HAUS6: variants seen among roughly 807,000 people sequenced by gnomAD.
HAUS6 encodes HAUS augmin-like complex subunit 6.
HAUS6 carries 80 observed loss-of-function variants against 106.8 expected under a neutral mutation model. That is an observed-to-expected ratio of 0.75 (90% CI 0.63 to 0.90). HAUS6 has a LOEUF of 0.90. Among genes scored for constraint, HAUS6 ranks in the 40% least tolerant of loss-of-function variants. The pLI, the probability that HAUS6 is intolerant of heterozygous loss-of-function variation, is 0.00. For missense variants in HAUS6, 1,155 were observed against 1,118.1 expected (o/e 1.03, Z -0.47); for synonymous variants, 356 against 379.1 (o/e 0.94, Z 0.71).
At chr9:19,063,889 CAG>C (rs1836695239) in intron 12 of HAUS6, 1 of 465,946 alleles carries the variant, frequency 2.1e-6, no homozygotes, top group Admixed American at 2.7e-5. Context: ...AGGTTAAAAA[CAG>C]ATTCAATTAA....
In HAUS6 at chr9:19,067,214, C is replaced by T. The variant is rs112986546; in HGVS notation, c.1376+3005G>A. Among the ~76,000 whole-genome samples, 502 of 152,208 alleles carry T rather than the reference C, an allele frequency of 3.3e-3. 2 individuals are homozygous for T. The highest frequency in any genetic ancestry group is 0.012 in the African/African-American group (485 of 41,520). ...ATTACTGATAAAAGATGATGTATTG[C>T]AGATAAAATAGTGTAATTGCTGAAC... On this transcript the variant is annotated intron_variant, in intron 12 of 16. Transcript: ENST00000380502.
intron 1 of HAUS6, among the ~76,000 whole-genome samples, chr9:19,098,963 G>A (rs1412104263): frequency 6.8e-5 from 10 of 148,074 alleles, no homozygotes; most frequent in East Asian, 2.0e-4. Flanking sequence ...CGGAGGTTGC[G>A]GTGAGGTCAT....
rs1398029742 is a variant in HAUS6, at chr9:19,053,840, GGTATAT to G, written c.*2497_*2502del. ...TGATAAAGATGACACATGGCCTTGG[GGTATAT>G]GTATGTGTGTGAATACATACTCCCA... On this transcript the variant is annotated 3_prime_UTR_variant, in exon 17 of 17. Coordinates refer to ENST00000380502, the MANE Select transcript of HAUS6 (RefSeq NM_017645.5). The G allele has an allele frequency of 6.6e-6, 1 of 151,886 alleles. No individual in the cohort carries two copies. The highest frequency in any genetic ancestry group is 1.9e-4 in the East Asian group (1 of 5,166). The allele number at this position is 151,886 out of a possible 1,614,324, so 9.4% of individuals were successfully genotyped here. A position where few individuals can be genotyped will look rare whatever the true frequency, so the allele number is the denominator to read the frequency against.
intron 12 of HAUS6, among the ~76,000 whole-genome samples, chr9:19,065,998 G>C (rs1326417315): frequency 6.7e-6 from 1 of 150,302 alleles, no homozygotes; most frequent in African/African-American, 2.4e-5. Flanking sequence ...TGCAGTGGCG[G>C]GATCCTGGCT....
At chr9:19,062,651 G>A (rs560904003) in intron 14 of HAUS6, among the ~76,000 whole-genome samples, 1 of 152,168 alleles carries the variant, frequency 6.6e-6, no homozygotes, top group African/African-American at 2.4e-5. Context: ...ACACCATTGA[G>A]AAAATATTTG....
intron 7 of HAUS6, among the ~76,000 whole-genome samples, chr9:19,085,615 CA>C (rs71494997): frequency 0.26 from 33,409 of 129,648 alleles, 4,008 homozygotes; most frequent in African/African-American, 0.36. Flanking sequence ...AGATTTTATC[CA>C]AAAAAAAAAA....
In HAUS6 at chr9:19,057,975, A is replaced by G. The variant is rs1237731033; in HGVS notation, c.2792T>C (p.Leu931Pro). 2 of 1,597,334 alleles carry G rather than the reference A, an allele frequency of 1.3e-6. No homozygotes were observed. Among genetic ancestry groups the G allele is most frequent in the Non-Finnish European group, 1.7e-6 (2 of 1,167,948 alleles). ...RTTIACSLGE[L>P]PNLKEEDILN... ...TTAAACCTTACCCTTTAAATTAGGT[A>G]GTTCTCCAAGACTACATGCTATTGT... Residue 931 changes from leucine (L) to proline (P), a missense_variant, in exon 16 of 17, where the codon CTA (leucine) becomes CCA (proline). Leu to Pro is a moderately conservative substitution (Grantham distance 98). Coordinates refer to ENST00000380502, the MANE Select transcript of HAUS6 (RefSeq NM_017645.5).
chr9:19,085,480 C>T (rs547438026), intron 7 of HAUS6, among the ~76,000 whole-genome samples: 3 of 152,016 alleles, frequency 2.0e-5, no homozygotes, highest in Non-Finnish European at 2.9e-5. Flanking sequence ...AATACATTCA[C>T]TGAATAAAAA....
At position 19,080,465 on chromosome 9, in the gene HAUS6, T is replaced by C; in HGVS notation, c.1064+14A>G. The C allele has an allele frequency of 1.3e-6, 2 of 1,561,860 alleles. No individual in the cohort carries two copies. The highest frequency in any genetic ancestry group is 1.4e-5 in the African/African-American group (1 of 73,922). On this transcript the variant is annotated intron_variant, in intron 9 of 16. Transcript: ENST00000380502. ...ACTCCTCCCACAGTAAAATAACAGA[T>C]CTTTTTAGTGTACCTCATATGTTTC...
In HAUS6 at chr9:19,057,989, A is replaced by T; in HGVS notation, c.2778T>A (p.Cys926Ter). ...TTAAATTAGGTAGTTCTCCAAGACTACATGCTATTGTGGTTCTCAATCTTT... is the reference window on the plus strand; with the variant it reads ...TTAAATTAGGTAGTTCTCCAAGACTTCATGCTATTGTGGTTCTCAATCTTT... ...VEQRLRTTIA[C>*]SLGELPNLKE... The change falls in exon 16 of 17, where the codon TGT (cysteine) becomes TGA (stop). Residue 926 changes from cysteine to a stop codon, truncating the protein, a stop_gained. Transcript: ENST00000380502. LOFTEE classifies it high-confidence loss of function. 1.2e-6 allele frequency: 2 copies of T among 1,608,456 alleles called. No individual in the cohort carries two copies. Among genetic ancestry groups the T allele is most frequent in the Non-Finnish European group, 1.7e-6 (2 of 1,175,262 alleles).
chr9:19,060,164 T>C lies in HAUS6; in HGVS notation c.1689A>G (p.Leu563=). 6.3e-7 allele frequency: 1 copy of C among 1,599,228 alleles called. No homozygotes were observed. The highest frequency in any genetic ancestry group is 1.1e-5 in the South Asian group (1 of 89,184). The part of the protein sequence containing the change: ...PQLSEGKEIK[L]EELIDSLGSN... ...AACCCAGAGAGTCAATTAGTTCCTC[T>C]AATTTTATTTCTTTTCCTTCAGAGA... The change falls in exon 15 of 17, where the codon TTA becomes TTG. Residue 563 remains leucine (L), a synonymous_variant. Coordinates refer to ENST00000380502, the MANE Select transcript of HAUS6 (RefSeq NM_017645.5).
At chr9:19,090,690 T>C (rs1817726607) in intron 4 of HAUS6, among the ~76,000 whole-genome samples, 1 of 152,028 alleles carries the variant, frequency 6.6e-6, no homozygotes, top group Non-Finnish European at 1.5e-5. Flanking sequence ...AGGAAGAAAG[T>C]CAATATAAAA....
Position 19,082,973 on chromosome 9 carries a change from G to A in HAUS6, c.770C>T (p.Ser257Leu), listed in dbSNP as rs772778861. 39 of 1,570,614 alleles carry A rather than the reference G, an allele frequency of 2.5e-5. No individual in the cohort carries two copies. The highest frequency in any genetic ancestry group is 1.7e-4 in the Middle Eastern group (1 of 5,938). ...ATATTGGTTAACAAGACTAAGGACCGAACTAACAACTTCTCTCTCTTTTTC... is the reference window on the plus strand; with the variant it reads ...ATATTGGTTAACAAGACTAAGGACCAAACTAACAACTTCTCTCTCTTTTTC... ...FLEKEREVVS[S>L]VLSLVNQYAL... The change falls in exon 8 of 17, where the codon TCG (serine) becomes TTG (leucine). Residue 257 changes from serine (S) to leucine (L), a missense_variant. Around this residue, in one of 3 missense-constraint regions of HAUS6, gnomAD observed 761 missense variants for 690.0 expected, o/e 1.10. Transcript: ENST00000380502.
In HAUS6 at chr9:19,054,256, CA is replaced by C. The variant is rs1001654611; in HGVS notation, c.*2086del. ...AAGGGGGAGTAGAGGAAATCCGTTACAGGGGAACTTACATGCCTTTAAATTT... is the reference window on the plus strand; with the variant it reads ...AAGGGGGAGTAGAGGAAATCCGTTACGGGGAACTTACATGCCTTTAAATTT... On this transcript the variant is annotated 3_prime_UTR_variant, in exon 17 of 17. Transcript: ENST00000380502. 2.0e-5 allele frequency: 3 copies of C among 152,156 alleles called. No homozygotes were observed. The highest frequency in any genetic ancestry group is 7.2e-5 in the African/African-American group (3 of 41,440). 9.4% of individuals were successfully genotyped at this position (152,156 alleles called of 1,614,324 possible).
intron 3 of HAUS6, 63 bp from the exon 4 acceptor site, chr9:19,093,366 C>T: frequency 7.2e-7 from 1 of 1,382,394 alleles, no homozygotes. Flanking sequence ...ACATTTACAT[C>T]ACACTATTTT....
intron 9 of HAUS6, among the ~76,000 whole-genome samples, chr9:19,078,900 A>T: frequency 6.7e-6 from 1 of 150,186 alleles, no homozygotes; most frequent in Admixed American, 6.6e-5. Context: ...CACACCTATA[A>T]TCCCAGAACT....
chr9:19,084,917 G>A (rs1289436935), intron 7 of HAUS6, among the ~76,000 whole-genome samples: 1 of 150,864 alleles, frequency 6.6e-6, no homozygotes, highest in Non-Finnish European at 1.5e-5. Context: ...GTGAGCCACT[G>A]TACCCCCGCC....
At position 19,078,259 on chromosome 9, in the gene HAUS6, C is replaced by T. The variant is rs111697063; in HGVS notation, c.1108G>A (p.Val370Ile). 6 of 1,531,812 alleles carry T rather than the reference C, an allele frequency of 3.9e-6. No homozygotes were observed. The highest frequency in any genetic ancestry group is 5.4e-6 in the Non-Finnish European group (6 of 1,106,534). 94.9% of individuals were successfully genotyped at this position (1,531,812 alleles called of 1,614,324 possible). The change falls in exon 10 of 17, where the codon GTT (valine) becomes ATT (isoleucine). Residue 370 changes from valine to isoleucine, a missense_variant. Val to Ile is a conservative substitution (Grantham distance 29). Coordinates refer to ENST00000380502, the MANE Select transcript of HAUS6 (RefSeq NM_017645.5). Reference protein sequence around the residue: ...DDLTTIRHSVVEKQGEWHKKW... With the variant: ...DDLTTIRHSVIEKQGEWHKKW... Reference sequence around the variant, plus strand: ...TTATGCCATTCTCCTTGCTTTTCAACAACAGAATGTCTTATAGTTGTGAGA... The same window carrying T: ...TTATGCCATTCTCCTTGCTTTTCAATAACAGAATGTCTTATAGTTGTGAGA...
rs1182497965 is a variant in HAUS6, at chr9:19,087,073, G to C, written c.650+18C>G. On this transcript the variant is annotated intron_variant, in intron 6 of 16. Coordinates refer to ENST00000380502, the MANE Select transcript of HAUS6 (RefSeq NM_017645.5). ...AAACTAGTATCTAAGGCAACTTCTA[G>C]CTCTAAAAGTCACTTACTTCTTTAT... The C allele has an allele frequency of 1.6e-6, 2 of 1,242,270 alleles. No individual in the cohort carries two copies. Among genetic ancestry groups the C allele is most frequent in the African/African-American group, 3.0e-5 (2 of 67,606 alleles). The allele number at this position is 1,242,270 out of a possible 1,614,324, so 77.0% of individuals were successfully genotyped here.
Sources: allele counts gnomAD v4.1 joint callset (sites outside exome capture counted in the v4.1 genomes callset), GRCh38; gene constraint gnomAD v4.1.1; regional missense constraint gnomAD v4.1.1; transcripts MANE v1.5; gene names NCBI Gene and HGNC (gene_info 2026-07-23, HGNC 2026-07-21).